WSCD1: variants seen among roughly 807,000 people sequenced by gnomAD.
The protein encoded by WSCD1 is WSC domain sialate O sulfotransferase 1.
A neutral mutation model predicts 60.4 loss-of-function variants in WSCD1; 41 were observed. That is an observed-to-expected ratio of 0.68 (90% CI 0.53 to 0.88). The LOEUF is 0.88. Among genes scored for constraint, WSCD1 ranks in the 40% least tolerant of loss-of-function variants. WSCD1 has a pLI of 0.00. For synonymous variants in WSCD1, 361 were observed against 332.5 expected (o/e 1.09, Z -0.93); for missense variants, 784 against 796.2 (o/e 0.98, Z 0.18).
At position 6,120,348 on chromosome 17, in the gene WSCD1, C is replaced by T. The variant is rs1012317416; in HGVS notation, c.1415C>T (p.Ser472Phe). 15 of 1,613,946 alleles carry T rather than the reference C, an allele frequency of 9.3e-6. No individual in the cohort carries two copies. Among genetic ancestry groups the T allele is most frequent in the Non-Finnish European group, 5.9e-6 (7 of 1,180,010 alleles). The change falls in exon 9 of 9, where the codon TCC becomes TTC. Residue 472 changes from serine to phenylalanine, a missense_variant. Coordinates refer to ENST00000317744, the MANE Select transcript of WSCD1 (RefSeq NM_015253.2). ...DFVNSYASWW[S>F]SHVLDWLKYG... Reference sequence around the variant, plus strand: ...GTCAACAGCTACGCCTCGTGGTGGTCCTCGCACGTCCTGGACTGGCTCAAG... The same window carrying T: ...GTCAACAGCTACGCCTCGTGGTGGTTCTCGCACGTCCTGGACTGGCTCAAG...
chr17:6,123,684 G>C lies in WSCD1; in HGVS notation c.*3023G>C, dbSNP rs1199407843. 6.6e-6 allele frequency: 1 copy of C among 152,150 alleles called. No individual in the cohort carries two copies. The highest frequency in any genetic ancestry group is 1.5e-5 in the Non-Finnish European group (1 of 68,028). 9.4% of individuals were successfully genotyped at this position (152,150 alleles called of 1,614,324 possible). On this transcript the variant is annotated 3_prime_UTR_variant, in exon 9 of 9. Coordinates refer to ENST00000317744, the MANE Select transcript of WSCD1 (RefSeq NM_015253.2). ...CTGACTTGCTCGGAAACCCATTGGA[G>C]GTATCTGAAATGTGATGACTCCAAA...
upstream of WSCD1, among the ~76,000 whole-genome samples, chr17:6,069,619 G>A (rs1268920902): frequency 6.6e-6 from 1 of 152,024 alleles, no homozygotes; most frequent in Non-Finnish European, 1.5e-5. Flanking sequence ...GTAGACGCGG[G>A]AGCTGGTGTC....
intron 5 of WSCD1, among the ~76,000 whole-genome samples, chr17:6,098,968 T>A (rs1328443791): frequency 6.6e-6 from 1 of 151,840 alleles, no homozygotes; most frequent in East Asian, 1.9e-4. Context: ...TGTTGGCAGG[T>A]GGCTGAGGGG....
chr17:6,075,404 C>CT lies in WSCD1; in HGVS notation c.-289+4753dup, dbSNP rs1354795727. Among the ~76,000 whole-genome samples the CT allele has an allele frequency of 6.6e-6, 1 of 152,090 alleles. No individual in the cohort carries two copies. Among genetic ancestry groups the CT allele is most frequent in the South Asian group, 2.1e-4 (1 of 4,828 alleles). ...AGCCCCAGGGACTGCCTCCTCTCCTCTCCCTGCTGCCACCCCTCAGTCTCT... is the reference window on the plus strand; with the variant it reads ...AGCCCCAGGGACTGCCTCCTCTCCTCTTCCCTGCTGCCACCCCTCAGTCTCT... On this transcript the variant is annotated intron_variant, in intron 1 of 8. Coordinates refer to ENST00000317744, the MANE Select transcript of WSCD1 (RefSeq NM_015253.2). This position sits in a 1 kb window ranked among gnomAD's most constrained non-coding sequence, Gnocchi z 4.1.
At chr17:6,077,497 G>C (rs932253737) in intron 1 of WSCD1, among the ~76,000 whole-genome samples, 1 of 152,170 alleles carries the variant, frequency 6.6e-6, no homozygotes, top group African/African-American at 2.4e-5. Flanking sequence ...CTGGGCCATG[G>C]AAATCTGGCC....
chr17:6,094,736 A>T (rs1024770878), intron 4 of WSCD1, among the ~76,000 whole-genome samples: 1 of 132,940 alleles, frequency 7.5e-6, no homozygotes, highest in Admixed American at 7.4e-5. Flanking sequence ...GAGGGAGGGA[A>T]GGAGGGAGGG....
At chr17:6,098,750 G>C (rs112454464) in intron 5 of WSCD1, among the ~76,000 whole-genome samples, 2 of 152,312 alleles carry the variant, frequency 1.3e-5, no homozygotes, top group African/African-American at 4.8e-5. Context: ...CAGCTTTAAA[G>C]TTTAAAGTGG....
intron 1 of WSCD1, among the ~76,000 whole-genome samples, chr17:6,071,453 C>G (rs1345345738): frequency 6.6e-6 from 1 of 152,184 alleles, no homozygotes; most frequent in Admixed American, 6.5e-5. Flanking sequence ...GAGTTCTAGC[C>G]TCATAGCCCT....
At chr17:6,098,143 CA>C (rs1245517758) in intron 5 of WSCD1, among the ~76,000 whole-genome samples, 8 of 47,798 alleles carry the variant, frequency 1.7e-4, no homozygotes, top group African/African-American at 7.3e-4. Context: ...TTTGCAGAGA[CA>C]GGGGGGCGGG....
chr17:6,091,272 A>G (rs531581240), intron 4 of WSCD1, among the ~76,000 whole-genome samples: 2 of 152,374 alleles, frequency 1.3e-5, no homozygotes, highest in East Asian at 3.9e-4. Context: ...GAAATGCTGC[A>G]TAAAATTTAG....
At chr17:6,094,971 C>T in intron 4 of WSCD1, 131 bp from the exon 5 acceptor site, 1 of 1,403,478 alleles carries the variant, frequency 7.1e-7, no homozygotes, top group Non-Finnish European at 9.6e-7. Flanking sequence ...GCCGTTTTCC[C>T]TCCCTGATTT....
rs377036808 is a variant in WSCD1, at chr17:6,080,908, G to A, written c.250G>A (p.Gly84Ser). ...TCGAGTCAGCCCAGAGCTGCTGCTG[G>A]GTGTGGACATGCTGCAGAGCCCCCT... ...DPRVSPELLL[G>S]VDMLQSPLTR... Residue 84 changes from glycine (G) to serine (S), a missense_variant, in exon 2 of 9, where the codon GGT becomes AGT. Physicochemically the swap from Gly to Ser is moderately conservative, Grantham distance 56 (BLOSUM62 0). Coordinates refer to ENST00000317744, the MANE Select transcript of WSCD1 (RefSeq NM_015253.2). The surrounding 1 kb of genome is among the most constrained non-coding windows in gnomAD (Gnocchi z 6.6). 13 of 1,597,434 alleles carry A rather than the reference G, an allele frequency of 8.1e-6. 2 individuals carry two copies. In the African/African-American group the frequency reaches 1.5e-4, roughly 18 times the overall value.
chr17:6,072,551 A>C (rs920865679), intron 1 of WSCD1, among the ~76,000 whole-genome samples: 12 of 152,134 alleles, frequency 7.9e-5, no homozygotes, highest in Admixed American at 2.6e-4. Flanking sequence ...CTTTCTCTGG[A>C]GGTACAATGA....
At position 6,120,999 on chromosome 17, in the gene WSCD1, A is replaced by C; in HGVS notation, c.*338A>C. 1 of 310,108 alleles carries C rather than the reference A, an allele frequency of 3.2e-6. No individual in the cohort carries two copies. Among genetic ancestry groups the C allele is most frequent in the Non-Finnish European group, 6.1e-6 (1 of 165,010 alleles). 19.2% of individuals were successfully genotyped at this position (310,108 alleles called of 1,614,324 possible). On this transcript the variant is annotated 3_prime_UTR_variant, in exon 9 of 9. Transcript: ENST00000317744. Reference sequence around the variant, plus strand: ...ATGCAGCCACGCACAGACGTAACACACAGGTGCCAGGCCGTGTGCTCCTGG... The same window carrying C: ...ATGCAGCCACGCACAGACGTAACACCCAGGTGCCAGGCCGTGTGCTCCTGG...
intron 5 of WSCD1, among the ~76,000 whole-genome samples, chr17:6,108,395 T>A (rs1418780014): frequency 3.3e-5 from 5 of 152,086 alleles, no homozygotes; most frequent in Non-Finnish European, 5.9e-5. Context: ...TACTCTCTCA[T>A]CTCTCTACGC....
chr17:6,107,911 T>A (rs1240692458), intron 5 of WSCD1, among the ~76,000 whole-genome samples: 2 of 152,030 alleles, frequency 1.3e-5, no homozygotes, highest in African/African-American at 4.8e-5. Flanking sequence ...GCCGTGAGGA[T>A]GGGTCTAGTT....
chr17:6,109,323 CAT>C (rs1911272656), intron 5 of WSCD1, among the ~76,000 whole-genome samples: 1 of 152,204 alleles, frequency 6.6e-6, no homozygotes, highest in African/African-American at 2.4e-5. Context: ...ATCCCTCAGT[CAT>C]ATTGCTGCTC....
At chr17:6,085,005 G>T (rs1909537404) in intron 2 of WSCD1, 1 of 152,218 alleles carries the variant, frequency 6.6e-6, no homozygotes, top group Non-Finnish European at 1.5e-5. Flanking sequence ...TGGCCAGCTG[G>T]TCACAGGTGG....
chr17:6,095,150 C>G lies in WSCD1; in HGVS notation c.776C>G (p.Thr259Arg). The G allele has an allele frequency of 1.2e-6, 2 of 1,613,894 alleles. No individual in the cohort carries two copies. Among genetic ancestry groups the G allele is most frequent in the Non-Finnish European group, 1.7e-6 (2 of 1,179,916 alleles). ...RGCFRLPENITHAFPSSLIQA... is the reference protein window; with the variant it reads ...RGCFRLPENIRHAFPSSLIQA... ...TGCTTCCGACTGCCAGAGAACATCACACATGCCTTCCCCAGCTCCCTGATA... is the reference window on the plus strand; with the variant it reads ...TGCTTCCGACTGCCAGAGAACATCAGACATGCCTTCCCCAGCTCCCTGATA... Residue 259 changes from threonine (T) to arginine (R), a missense_variant, in exon 5 of 9, where the codon ACA (threonine) becomes AGA (arginine). Coordinates refer to ENST00000317744, the MANE Select transcript of WSCD1 (RefSeq NM_015253.2).
Sources: gnomAD v4.1 joint callset for allele counts (sites outside exome capture counted in the v4.1 genomes callset) on GRCh38, gnomAD v4.1.1 for gene constraint, Gnocchi (gnomAD v3.1) non-coding constraint, MANE v1.5 for transcripts, NCBI Gene and HGNC (gene_info 2026-07-23, HGNC 2026-07-21) for gene names.